ARHGEF3: variants seen among roughly 807,000 people sequenced by gnomAD.
ARHGEF3 encodes the protein 59.8 kDA protein.
In ARHGEF3, 28 loss-of-function variants were observed where a neutral mutation model predicts 63.2. The ratio of observed to expected loss-of-function variants is 0.44; its 90% confidence interval spans 0.33 to 0.61. The LOEUF (loss-of-function observed/expected upper bound fraction) is 0.61, where lower values mean the gene tolerates loss of function less well. Among genes scored for constraint, ARHGEF3 ranks in the 20% least tolerant of loss-of-function variants. The pLI is 0.03. For synonymous variants in ARHGEF3, 266 were observed against 254.2 expected (o/e 1.05, Z -0.44); for missense variants, 533 against 659.3 (o/e 0.81, Z 2.10).
chr3:57,017,366 C>G (rs938823860), intron 2 of ARHGEF3, among the ~76,000 whole-genome samples: 2 of 152,104 alleles, frequency 1.3e-5, no homozygotes, highest in African/African-American at 4.8e-5. Flanking sequence ...GTTCCAATAC[C>G]CAGGACATGC....
Position 56,755,099 on chromosome 3 carries a change from G to A in ARHGEF3, c.257C>T (p.Pro86Leu). ...CGAGGGGGCGGCATTTCTGGACCAG[G>A]GTCGGGGGGCGAGGATGTCAGGGCG... ...ESRPDILAPR[P>L]WSRNAAPSST... The change falls in exon 3 of 10, where the codon CCC becomes CTC. Residue 86 changes from proline to leucine, a missense_variant. By Grantham distance (98) the Pro-to-Leu change is moderately conservative (BLOSUM62 -3). Transcript: ENST00000296315. The A allele has an allele frequency of 6.2e-7, 1 of 1,614,056 alleles. No individual in the cohort carries two copies. Among genetic ancestry groups the A allele is most frequent in the Admixed American group, 1.7e-5 (1 of 60,012 alleles).
At chr3:56,991,948 T>TATTCCAGC (rs989280147) in intron 2 of ARHGEF3, among the ~76,000 whole-genome samples, 4 of 152,224 alleles carry the variant, frequency 2.6e-5, no homozygotes, top group African/African-American at 9.6e-5. Flanking sequence ...TTTGCAATCT[T>TATTCCAGC]ATTCCAGCAT....
chr3:57,000,099 G>A (rs545480402), intron 2 of ARHGEF3, among the ~76,000 whole-genome samples: 4 of 152,242 alleles, frequency 2.6e-5, no homozygotes, highest in South Asian at 2.1e-4. Context: ...AGGAATCAAT[G>A]AGAAAAGCCT....
chr3:56,955,578 A>C lies in ARHGEF3; in HGVS notation c.129+3245T>G, dbSNP rs148324963. 3.3e-3 allele frequency among the ~76,000 whole-genome samples: 498 copies of C among 152,296 alleles called. 9 individuals carry two copies. Among genetic ancestry groups the C allele is most frequent in the Admixed American group, 0.03 (465 of 15,284 alleles). On this transcript the variant is annotated intron_variant, in intron 3 of 12. Coordinates refer to the ARHGEF3 transcript ENST00000338458. ...AATGGCTTTCTCCGACACATACATA[A>C]ATGTGGAAAATTTGCTAGCATAGAG...
At chr3:56,804,359 C>T (rs1413405085), upstream of ARHGEF3, among the ~76,000 whole-genome samples, 1 of 152,156 alleles carries the variant, frequency 6.6e-6, no homozygotes, top group African/African-American at 2.4e-5. Flanking sequence ...TCCCTGTTTG[C>T]GTGCTCTTTG....
intron 2 of ARHGEF3, among the ~76,000 whole-genome samples, chr3:56,981,226 G>T (rs1023676323): frequency 1.3e-5 from 2 of 152,146 alleles, no homozygotes; most frequent in African/African-American, 4.8e-5. Flanking sequence ...CACACAGCTG[G>T]TTTTCCCTAC....
chr3:56,860,484 A>G (rs2040036380), intron 4 of ARHGEF3, among the ~76,000 whole-genome samples: 1 of 152,230 alleles, frequency 6.6e-6, no homozygotes, highest in Non-Finnish European at 1.5e-5. Context: ...AATAACAGAT[A>G]TGGTGGCAGA....
At chr3:56,819,972 G>C (rs1352708110) in intron 4 of ARHGEF3, among the ~76,000 whole-genome samples, 2 of 152,038 alleles carry the variant, frequency 1.3e-5, no homozygotes, top group African/African-American at 4.8e-5. Context: ...ACCATACCCA[G>C]CTAATTTTTT....
At chr3:56,958,519 T>C (rs938507791) in intron 3 of ARHGEF3, among the ~76,000 whole-genome samples, 3 of 151,488 alleles carry the variant, frequency 2.0e-5, no homozygotes, top group African/African-American at 7.3e-5. Context: ...TTTTGTAGAG[T>C]AGCAGCTTCG....
intron 4 of ARHGEF3, among the ~76,000 whole-genome samples, chr3:56,862,653 C>G (rs188019852): frequency 6.6e-6 from 1 of 152,178 alleles, no homozygotes; most frequent in Non-Finnish European, 1.5e-5. Flanking sequence ...CACCTCTTGC[C>G]TTCCCCTTGA....
intron 1 of ARHGEF3, among the ~76,000 whole-genome samples, chr3:57,052,672 G>C (rs1339395970): frequency 1.3e-5 from 2 of 152,128 alleles, no homozygotes; most frequent in Non-Finnish European, 2.9e-5. Flanking sequence ...ATGGAACACG[G>C]CAAGACACAA....
At chr3:57,049,393 AAT>A (rs1452052869) in intron 1 of ARHGEF3, among the ~76,000 whole-genome samples, 1 of 152,042 alleles carries the variant, frequency 6.6e-6, no homozygotes, top group Non-Finnish European at 1.5e-5. Context: ...ATAAGAAAAA[AAT>A]ATAATAAAAT....
intron 3 of ARHGEF3, among the ~76,000 whole-genome samples, chr3:56,916,983 C>T (rs2042007320): frequency 6.6e-6 from 1 of 152,192 alleles, no homozygotes; most frequent in African/African-American, 2.4e-5. Flanking sequence ...GGAAACCTCC[C>T]TTTCAACTTT....
At chr3:56,932,156 T>G (rs1367010495) in intron 3 of ARHGEF3, among the ~76,000 whole-genome samples, 2 of 152,180 alleles carry the variant, frequency 1.3e-5, no homozygotes, top group African/African-American at 4.8e-5. Flanking sequence ...GGGAGGATTT[T>G]TATTCTTAAA....
chr3:56,947,845 G>A (rs980811958), intron 3 of ARHGEF3, among the ~76,000 whole-genome samples: 20 of 152,008 alleles, frequency 1.3e-4, no homozygotes, highest in South Asian at 6.3e-4. Flanking sequence ...GCACCACACC[G>A]CACTTATTCC....
At chr3:57,072,804 T>C (rs891824819) in intron 1 of ARHGEF3, among the ~76,000 whole-genome samples, 6 of 151,588 alleles carry the variant, frequency 4.0e-5, no homozygotes, top group Admixed American at 3.9e-4. Flanking sequence ...CCCAGCACTT[T>C]GGGAGGCCAA....
At chr3:56,953,447 G>A (rs1028911797) in intron 3 of ARHGEF3, among the ~76,000 whole-genome samples, 1 of 152,154 alleles carries the variant, frequency 6.6e-6, no homozygotes, top group South Asian at 2.1e-4. Context: ...TTAGGAGTGG[G>A]CTCCATTATT....
intron 4 of ARHGEF3, among the ~76,000 whole-genome samples, chr3:56,872,050 GTTAC>G (rs4060872): frequency 0.4 from 60,129 of 151,832 alleles, 13,406 homozygotes; most frequent in Non-Finnish European, 0.51. Context: ...GTTGCCAGAT[GTTAC>G]TTAATGCATT....
intron 1 of ARHGEF3, among the ~76,000 whole-genome samples, chr3:57,035,881 C>T (rs1449448225): frequency 6.6e-6 from 1 of 152,230 alleles, no homozygotes; most frequent in Non-Finnish European, 1.5e-5. Flanking sequence ...CTAGCACAGC[C>T]ACCCCTGTCA....
Sources: gnomAD v4.1 joint callset for allele counts (sites outside exome capture counted in the v4.1 genomes callset) on GRCh38, gnomAD v4.1.1 for gene constraint, MANE v1.5 for transcripts, NCBI Gene and HGNC (gene_info 2026-07-23, HGNC 2026-07-21) for gene names.